The following FKBP11 variants were observed in gnomAD, a reference collection of about 807,000 sequenced individuals.
FKBP11 encodes the protein peptidyl-prolyl cis-trans isomerase FKBP11.
Under a neutral mutation model 24.7 loss-of-function variants are expected in FKBP11, and 21 were observed. That is an observed-to-expected ratio of 0.85 (90% CI 0.60 to 1.23). The LOEUF is 1.23. Ranked by LOEUF, FKBP11 falls within the 50% of genes most tolerant of loss-of-function variation. The pLI is 0.00. For synonymous variants in FKBP11, 106 were observed against 100.6 expected (o/e 1.05, Z -0.32); for missense variants, 245 against 248.7 (o/e 0.99, Z 0.10).
intron 5 of FKBP11, 181 bp from the exon 6 acceptor site, chr12:48,922,382 G>C: frequency 1.4e-6 from 1 of 697,340 alleles, no homozygotes; most frequent in Non-Finnish European, 2.2e-6. Flanking sequence ...GCAGAGTCCA[G>C]TGATAATCAT....
intron 2 of FKBP11, 35 bp downstream of exon 2, chr12:48,925,011 T>G: frequency 4.1e-4 from 381 of 918,714 alleles, no homozygotes; most frequent in Non-Finnish European, 5.9e-4. Flanking sequence ...CGCCGCCCCC[T>G]CCCAGGCCCC....
chr12:48,928,915 C>T (rs576186279), upstream of FKBP11, among the ~76,000 whole-genome samples: 2 of 149,994 alleles, frequency 1.3e-5, no homozygotes, highest in East Asian at 2.0e-4. Context: ...CTCCGCCTCC[C>T]GGGTTCACGC....
intron 3 of FKBP11, 55 bp downstream of exon 3, chr12:48,924,506 G>T: frequency 6.6e-7 from 1 of 1,520,034 alleles, no homozygotes; most frequent in Non-Finnish European, 9.1e-7. Context: ...AGCCGAAGAG[G>T]CTAAGAAAGG....
the FKBP11 span, chr12:48,931,649 C>T: frequency 5.0e-6 from 3 of 596,366 alleles, no homozygotes; most frequent in Non-Finnish European, 8.8e-6. Context: ...ACCTGGGCTT[C>T]CAAGACTCAT....
At position 48,923,815 on chromosome 12, in the gene FKBP11, A is replaced by C; in HGVS notation, c.355T>G (p.Tyr119Asp). ...GATGGTGGAAATCCCCGTTTTCCAT[A>C]GGCCAAGTGAGAAGGAATGATTGCC... ...RRAIIPSHLAYGKRGFPPSVP... is the reference protein window; with the variant it reads ...RRAIIPSHLADGKRGFPPSVP... Residue 119 changes from tyrosine to aspartate, a missense_variant, in exon 5 of 6, where the codon TAT (tyrosine) becomes GAT (aspartate). Physicochemically the swap from Tyr to Asp is radical, Grantham distance 160. Coordinates refer to ENST00000550765, the MANE Select transcript of FKBP11 (RefSeq NM_016594.3). The C allele has an allele frequency of 2.5e-6, 4 of 1,614,178 alleles. No homozygotes were observed. Among genetic ancestry groups the C allele is most frequent in the Non-Finnish European group, 3.4e-6 (4 of 1,180,012 alleles).
In FKBP11 at chr12:48,924,017, C is replaced by G. The variant is rs575455620; in HGVS notation, c.318-165G>C. 4.9e-5 allele frequency: 43 copies of G among 873,510 alleles called. No homozygotes were observed. In the African/African-American group the frequency reaches 6.9e-4, roughly 14 times the overall value. 54.1% of individuals were successfully genotyped at this position (873,510 alleles called of 1,614,324 possible). On this transcript the variant is annotated intron_variant, in intron 4 of 5. Coordinates refer to ENST00000550765, the MANE Select transcript of FKBP11 (RefSeq NM_016594.3). ...TGGCCAGCAAAGGTGTCCATCTCCC[C>G]ATGTGCCTCAACTCCCCCGACAAAA...
rs1368136887 is a variant in FKBP11 at position 48,922,031 on chromosome 12, T to C, written c.559A>G (p.Lys187Glu). 1.9e-6 allele frequency: 3 copies of C among 1,612,922 alleles called. No homozygotes were observed. The highest frequency in any genetic ancestry group is 2.5e-6 in the Non-Finnish European group (3 of 1,179,418). Residue 187 changes from lysine to glutamate, a missense_variant, in exon 6 of 6, where the codon AAA becomes GAA. Transcript: ENST00000550765. ...CGTTTCTCTTCCTTGAGCTTCTTTTTGGAGACTTTGGGTCTATTGGCCTTT... is the reference window on the plus strand; with the variant it reads ...CGTTTCTCTTCCTTGAGCTTCTTTTCGGAGACTTTGGGTCTATTGGCCTTT... ...YRKANRPKVS[K>E]KKLKEEKRNK...
At chr12:48,931,214 G>A (rs1467597946), upstream of FKBP11, among the ~76,000 whole-genome samples, 2 of 143,470 alleles carry the variant, frequency 1.4e-5, no homozygotes, top group Non-Finnish European at 3.0e-5. Context: ...CACATTGCAA[G>A]TTTCTAAGCA....
upstream of FKBP11, among the ~76,000 whole-genome samples, chr12:48,928,356 T>C (rs1940007509): frequency 6.6e-6 from 1 of 151,754 alleles, no homozygotes; most frequent in Non-Finnish European, 1.5e-5. Flanking sequence ...ACCTTTTTTT[T>C]TTTCTTTTGA....
the FKBP11 span, chr12:48,935,805 C>T: frequency 2.0e-5 from 3 of 152,246 alleles, no homozygotes; most frequent in African/African-American, 7.2e-5. Context: ...AGAAGCACCT[C>T]ATGTGCAAGG....
At chr12:48,922,471 G>T in intron 5 of FKBP11, 2 of 916,774 alleles carry the variant, frequency 2.2e-6, no homozygotes, top group Non-Finnish European at 2.8e-6. Context: ...AATATGAAAT[G>T]TACAGGCTCT....
At chr12:48,923,397 C>T in intron 5 of FKBP11, 1 of 1,471,910 alleles carries the variant, frequency 6.8e-7, no homozygotes, top group South Asian at 1.4e-5. Context: ...TGTCTCTTCC[C>T]TGATGGAGGC....
At chr12:48,925,537 G>T, upstream of FKBP11, 1 of 1,345,436 alleles carries the variant, frequency 7.4e-7, no homozygotes, top group Non-Finnish European at 1.0e-6. Flanking sequence ...GACGGGGCGG[G>T]TCGCGATGCT....
chr12:48,924,815 G>A (rs1162089091), intron 2 of FKBP11, 167 bp from the exon 3 acceptor site: 9 of 1,451,666 alleles, frequency 6.2e-6, no homozygotes, highest in Non-Finnish European at 2.7e-6. Context: ...GGCGCTTCTC[G>A]GAGATCTCTC....
At chr12:48,934,134 G>A in the FKBP11 span, among the ~76,000 whole-genome samples, 144 of 152,260 alleles carry the variant, frequency 9.5e-4, no homozygotes, top group African/African-American at 3.2e-3. Context: ...CAACCTAGGC[G>A]CTTGAACTGG....
intron 5 of FKBP11, chr12:48,923,196 C>T (rs1315752970): frequency 4.9e-6 from 6 of 1,220,058 alleles, no homozygotes; most frequent in African/African-American, 1.6e-5. Flanking sequence ...GAGTACAACA[C>T]ATTTTAGCTA....
At chr12:48,933,625 T>C in the FKBP11 span, among the ~76,000 whole-genome samples, 1 of 150,152 alleles carries the variant, frequency 6.7e-6, no homozygotes, top group Non-Finnish European at 1.5e-5. Flanking sequence ...TGCTTGAACC[T>C]GAGAGGCAGA....
upstream of FKBP11, among the ~76,000 whole-genome samples, chr12:48,930,686 TG>T (rs1354578219): frequency 6.6e-6 from 1 of 152,048 alleles, no homozygotes; most frequent in Non-Finnish European, 1.5e-5. Context: ...AGGTGAAACT[TG>T]AGCTAGATCT....
At chr12:48,934,776 G>A in the FKBP11 span, among the ~76,000 whole-genome samples, 2 of 152,122 alleles carry the variant, frequency 1.3e-5, no homozygotes, top group Non-Finnish European at 2.9e-5. Context: ...CACTTTGGGA[G>A]GCTGAGGTGG....
Sources: gnomAD v4.1 joint callset for allele counts (sites outside exome capture counted in the v4.1 genomes callset) on GRCh38, gnomAD v4.1.1 for gene constraint, MANE v1.5 for transcripts, NCBI Gene and HGNC (gene_info 2026-07-23, HGNC 2026-07-21) for gene names.